Variants in MAP2K1 observed in about 807,000 individuals in gnomAD.
MAP2K1 encodes the protein mitogen-activated protein kinase kinase 1, also known as dual specificity mitogen-activated protein kinase kinase 1.
Under a neutral mutation model 46.3 loss-of-function variants are expected in MAP2K1, and 16 were observed. The observed-to-expected ratio is 0.35, with a 90% confidence interval of 0.23 to 0.52. The LOEUF is 0.52. MAP2K1 is among the 20% of genes least tolerant of loss of function. The probability of loss-of-function intolerance (pLI) is 0.94; values close to 1 mark genes in which losing one functional copy is unlikely to be tolerated. For missense variants in MAP2K1, 263 were observed against 497.1 expected (o/e 0.53, Z 4.48); for synonymous variants, 183 against 185.6 (o/e 0.99, Z 0.11).
At chr15:66,396,753 C>T (rs931444460) in intron 1 of MAP2K1, among the ~76,000 whole-genome samples, 6 of 151,760 alleles carry the variant, frequency 4.0e-5, no homozygotes, top group Admixed American at 6.6e-5. Flanking sequence ...GGCGTGATCT[C>T]GGCTCACTGC....
At chr15:66,458,419 A>ATAACTCAAC (rs1456005381) in intron 5 of MAP2K1, among the ~76,000 whole-genome samples, 3 of 152,244 alleles carry the variant, frequency 2.0e-5, no homozygotes, top group Non-Finnish European at 4.4e-5. Flanking sequence ...GTTTTAAATT[A>ATAACTCAAC]TAACTCAACT....
chr15:66,420,257 C>T (rs571797950), intron 1 of MAP2K1, among the ~76,000 whole-genome samples: 9 of 148,842 alleles, frequency 6.0e-5, no homozygotes, highest in African/African-American at 9.9e-5. Context: ...AATGAATGAA[C>T]GAATGAATGA....
intron 5 of MAP2K1, among the ~76,000 whole-genome samples, chr15:66,470,851 T>C (rs1892614912): frequency 6.6e-6 from 1 of 152,194 alleles, no homozygotes; most frequent in Non-Finnish European, 1.5e-5. Context: ...CAGGAGGTCC[T>C]GATGATATGT....
intron 1 of MAP2K1, among the ~76,000 whole-genome samples, chr15:66,397,494 T>C (rs1246911386): frequency 6.6e-6 from 1 of 152,186 alleles, no homozygotes; most frequent in Non-Finnish European, 1.5e-5. Context: ...AAGCACTTTA[T>C]GATCACTGGA....
rs1893220987 is a variant in MAP2K1 at position 66,490,548 on chromosome 15, C to T, written c.1115C>T (p.Ala372Val). 1 of 1,614,014 alleles carries T rather than the reference C, an allele frequency of 6.2e-7. No individual in the cohort carries two copies. Among genetic ancestry groups the T allele is most frequent in the African/African-American group, 1.3e-5 (1 of 74,910 alleles). ...KRSDAEEVDF[A>V]GWLCSTIGLN... is the part of the protein sequence containing the mutation. ...TCTGATGCTGAGGAAGTGGATTTTGCAGGTTGGCTCTGCTCCACCATCGGC... is the reference window on the plus strand; with the variant it reads ...TCTGATGCTGAGGAAGTGGATTTTGTAGGTTGGCTCTGCTCCACCATCGGC... Residue 372 changes from alanine to valine, a missense_variant, in exon 11 of 11, where the codon GCA (alanine) becomes GTA (valine). By Grantham distance (64) the Ala-to-Val change is moderately conservative. This residue lies in a region of MAP2K1 where 118 missense variants were observed against 193.0 expected (regional missense o/e 0.61). Coordinates refer to ENST00000307102, the MANE Select transcript of MAP2K1 (RefSeq NM_002755.4).
intron 1 of MAP2K1, among the ~76,000 whole-genome samples, chr15:66,427,577 A>G (rs1305538202): frequency 6.6e-6 from 1 of 152,028 alleles, no homozygotes; most frequent in Non-Finnish European, 1.5e-5. Context: ...AAATAATAAT[A>G]ATAACATTTG....
rs188794550 is a variant in MAP2K1, at chr15:66,437,961, G to C, written c.438+1069G>C. 5.3e-5 allele frequency among the ~76,000 whole-genome samples: 8 copies of C among 150,264 alleles called. No individual in the cohort carries two copies. In the East Asian group the frequency reaches 1.4e-3, roughly 26 times the overall value. On this transcript the variant is annotated intron_variant, in intron 3 of 10. Coordinates refer to ENST00000307102, the MANE Select transcript of MAP2K1 (RefSeq NM_002755.4). ...TGGCCTGGGGTGCTGATTATTTTCTGCTTGGGTCTTGGCTTCCCCTCAGGG... is the reference window on the plus strand; with the variant it reads ...TGGCCTGGGGTGCTGATTATTTTCTCCTTGGGTCTTGGCTTCCCCTCAGGG...
intron 5 of MAP2K1, among the ~76,000 whole-genome samples, chr15:66,445,404 A>C (rs1238924882): frequency 6.6e-6 from 1 of 152,096 alleles, no homozygotes; most frequent in Admixed American, 6.6e-5. Context: ...AACAACAACA[A>C]CAAGAAGAAC....
chr15:66,391,057 CTTTT>C (rs34264456), intron 1 of MAP2K1, among the ~76,000 whole-genome samples: 3 of 135,558 alleles, frequency 2.2e-5, no homozygotes, highest in Non-Finnish European at 3.2e-5. Flanking sequence ...TGAGCTGCTG[CTTTT>C]TTTTTTTTTT....
At chr15:66,445,400 A>G (rs1595866275) in intron 5 of MAP2K1, among the ~76,000 whole-genome samples, 1 of 152,188 alleles carries the variant, frequency 6.6e-6, no homozygotes, top group East Asian at 1.9e-4. Flanking sequence ...TCAAAACAAC[A>G]ACAACAAGAA....
At chr15:66,398,842 C>T (rs1226109020) in intron 1 of MAP2K1, among the ~76,000 whole-genome samples, 3 of 150,554 alleles carry the variant, frequency 2.0e-5, no homozygotes, top group Non-Finnish European at 4.4e-5. Context: ...GGTGCGATCT[C>T]GGCTCACTGC....
intron 1 of MAP2K1, among the ~76,000 whole-genome samples, chr15:66,399,060 AC>A (rs764376874): frequency 1.3e-5 from 2 of 152,208 alleles, no homozygotes; most frequent in African/African-American, 2.4e-5. Flanking sequence ...GGCGTGAGCC[AC>A]CGTGCCTGGC....
At chr15:66,436,998 G>T in intron 3 of MAP2K1, 106 bp downstream of exon 3, 1 of 1,186,650 alleles carries the variant, frequency 8.4e-7, no homozygotes, top group South Asian at 1.2e-5. Context: ...GCTGCTCCTG[G>T]GATCCACATC....
intron 5 of MAP2K1, among the ~76,000 whole-genome samples, chr15:66,452,609 A>G (rs1348753291): frequency 6.6e-6 from 1 of 152,202 alleles, no homozygotes; most frequent in African/African-American, 2.4e-5. Context: ...CCACTATGCA[A>G]GGACGAATGA....
intron 5 of MAP2K1, among the ~76,000 whole-genome samples, chr15:66,460,489 A>G (rs1433503701): frequency 6.6e-6 from 1 of 152,214 alleles, no homozygotes; most frequent in African/African-American, 2.4e-5. Context: ...ATGTTTTTAC[A>G]GGAAATAGCA....
chr15:66,471,381 C>G (rs1246669474), intron 5 of MAP2K1, among the ~76,000 whole-genome samples: 1 of 152,168 alleles, frequency 6.6e-6, no homozygotes, highest in South Asian at 2.1e-4. Flanking sequence ...ACCTGCCAGA[C>G]ATTAGCAGGT....
At chr15:66,435,542 G>C (rs1595861207) in intron 2 of MAP2K1, among the ~76,000 whole-genome samples, 1 of 151,970 alleles carries the variant, frequency 6.6e-6, no homozygotes, top group Non-Finnish European at 1.5e-5. Context: ...TGGTCAAGCT[G>C]ATCTCGAACT....
intron 1 of MAP2K1, among the ~76,000 whole-genome samples, chr15:66,388,904 CTTTTT>C (rs72328500): frequency 1.8e-5 from 2 of 111,948 alleles, no homozygotes; most frequent in African/African-American, 6.8e-5. Context: ...AACATTTGTT[CTTTTT>C]TTTTTTTTTT....
chr15:66,455,558 TTTC>T lies in MAP2K1; in HGVS notation c.568+10852_568+10854del. 2.0e-5 allele frequency among the ~76,000 whole-genome samples: 3 copies of T among 152,208 alleles called. No individual in the cohort carries two copies. In the South Asian group the frequency reaches 6.2e-4, roughly 31 times the overall value. The stretch of plus-strand genomic sequence containing the variant: ...TTTCAGGTACCATTTAGTTACTGTT[TTTC>T]CACCTAGGTGGTAGCCTCTTGAACA... On this transcript the variant is annotated intron_variant, in intron 5 of 10. Transcript: ENST00000307102.
Sources: gnomAD v4.1 joint callset for allele counts (sites outside exome capture counted in the v4.1 genomes callset) on GRCh38, gnomAD v4.1.1 for gene constraint, gnomAD v4.1.1 regional missense constraint, MANE v1.5 for transcripts, NCBI Gene and HGNC (gene_info 2026-07-23, HGNC 2026-07-21) for gene names.